DENND1A: variants seen among roughly 807,000 people sequenced by gnomAD.
DENND1A encodes the protein DENN domain containing 1A.
Under a neutral mutation model 113.7 loss-of-function variants are expected in DENND1A, and 51 were observed. That is an observed-to-expected ratio of 0.45 (90% CI 0.36 to 0.57). DENND1A has a LOEUF of 0.57. Ranked by LOEUF, DENND1A falls within the 20% of genes least tolerant of loss-of-function variation. DENND1A has a pLI of 0.00. For missense variants in DENND1A, 1,258 were observed against 1,395.9 expected, an observed-to-expected ratio of 0.90 and a Z score of 1.57; for synonymous variants, 565 against 570.8, an observed-to-expected ratio of 0.99 and a Z score of 0.14.
intron 10 of DENND1A, among the ~76,000 whole-genome samples, chr9:123,629,350 T>C (rs552095419): frequency 6.6e-6 from 1 of 152,334 alleles, no homozygotes; most frequent in Non-Finnish European, 1.5e-5. Context: ...CTTGAACTGT[T>C]TGGAGACAAT....
At chr9:123,726,417 C>CTA (rs929984922) in intron 5 of DENND1A, among the ~76,000 whole-genome samples, 27 of 152,336 alleles carry the variant, frequency 1.8e-4, no homozygotes, top group Admixed American at 1.4e-3. Context: ...CTGCCTCTCC[C>CTA]TATCACACGA....
At chr9:123,598,883 A>G (rs1206647794) in intron 11 of DENND1A, among the ~76,000 whole-genome samples, 1 of 152,196 alleles carries the variant, frequency 6.6e-6, no homozygotes, top group Non-Finnish European at 1.5e-5. Flanking sequence ...TTTAGCAGAC[A>G]TTATATTTGG....
At chr9:123,630,521 G>A (rs953955805) in intron 9 of DENND1A, 45 bp from the exon 10 acceptor site, 4 of 1,316,880 alleles carry the variant, frequency 3.0e-6, no homozygotes, top group Non-Finnish European at 4.1e-6. Flanking sequence ...TCCAAGGGAG[G>A]AGACACCGCC....
At chr9:123,432,545 T>C (rs2046213956) in intron 19 of DENND1A, among the ~76,000 whole-genome samples, 1 of 151,472 alleles carries the variant, frequency 6.6e-6, no homozygotes, top group Non-Finnish European at 1.5e-5. Context: ...GGGAGCGGAG[T>C]GGGGAGATCA....
intron 9 of DENND1A, among the ~76,000 whole-genome samples, chr9:123,631,018 T>C (rs2061452684): frequency 6.6e-6 from 1 of 152,230 alleles, no homozygotes; most frequent in South Asian, 2.1e-4. Context: ...GCTACTCTAC[T>C]ACCATTAAGT....
intron 10 of DENND1A, among the ~76,000 whole-genome samples, chr9:123,625,790 A>G (rs2061181484): frequency 6.6e-6 from 1 of 152,128 alleles, no homozygotes; most frequent in Non-Finnish European, 1.5e-5. Flanking sequence ...TTATACTACC[A>G]CTTGGCAGAG....
At chr9:123,395,136 T>G (rs991458071) in intron 21 of DENND1A, among the ~76,000 whole-genome samples, 2 of 152,186 alleles carry the variant, frequency 1.3e-5, no homozygotes, top group East Asian at 3.9e-4. Flanking sequence ...GAGGGCTAGG[T>G]GGGAAGGCAA....
At chr9:123,454,892 G>C in intron 15 of DENND1A, 113 bp from the exon 16 acceptor site, 1 of 954,106 alleles carries the variant, frequency 1.0e-6, no homozygotes, top group South Asian at 1.4e-5. Context: ...CTGTCTCCCA[G>C]ACTGGAGTGC....
intron 9 of DENND1A, among the ~76,000 whole-genome samples, chr9:123,640,478 G>A (rs2061969997): frequency 1.3e-5 from 2 of 152,230 alleles, no homozygotes; most frequent in Non-Finnish European, 2.9e-5. Flanking sequence ...TGACTAGGGA[G>A]AAGTGGTCCG....
In DENND1A at chr9:123,381,356, T is replaced by C; in HGVS notation, c.*76A>G. The C allele has an allele frequency of 7.3e-7, 1 of 1,360,976 alleles. No homozygotes were observed. The allele number at this position is 1,360,976 out of a possible 1,614,324, so 84.3% of individuals were successfully genotyped here. A position where few individuals can be genotyped will look rare whatever the true frequency, so the allele number is the denominator to read the frequency against. Reference sequence around the variant, plus strand: ...CAGCAGAACCTGGGCAGAGAGAGAGTGGCGGGGGAGCCTCGGAACCGCAGC... The same window carrying C: ...CAGCAGAACCTGGGCAGAGAGAGAGCGGCGGGGGAGCCTCGGAACCGCAGC... On this transcript the variant is annotated 3_prime_UTR_variant, in exon 24 of 24. Coordinates refer to ENST00000394215, the MANE Select transcript of DENND1A (RefSeq NM_001352964.2). The surrounding 1 kb of genome is among the most constrained non-coding windows in gnomAD (Gnocchi z 4.7).
intron 3 of DENND1A, among the ~76,000 whole-genome samples, chr9:123,787,921 A>G (rs887052708): frequency 2.6e-5 from 4 of 152,144 alleles, no homozygotes; most frequent in Admixed American, 6.6e-5. Context: ...TGTTGGTTTC[A>G]TTATAACACT....
At chr9:123,924,705 A>G (rs955770343) in intron 1 of DENND1A, among the ~76,000 whole-genome samples, 1 of 152,164 alleles carries the variant, frequency 6.6e-6, no homozygotes, top group Non-Finnish European at 1.5e-5. Flanking sequence ...TAATCTTATA[A>G]GATTCACATA....
chr9:123,801,630 A>G (rs950386341), intron 2 of DENND1A, among the ~76,000 whole-genome samples: 3 of 152,220 alleles, frequency 2.0e-5, no homozygotes, highest in African/African-American at 7.2e-5. Flanking sequence ...CTTCTTTTGC[A>G]TATATATCCA....
intron 13 of DENND1A, among the ~76,000 whole-genome samples, chr9:123,521,780 T>C (rs148280159): frequency 2.7e-3 from 408 of 152,298 alleles, no homozygotes; most frequent in African/African-American, 9.4e-3. Flanking sequence ...AGCCATATAC[T>C]CACTGGCTGT....
chr9:123,695,212 A>G (rs941863795), intron 5 of DENND1A, among the ~76,000 whole-genome samples: 1 of 150,372 alleles, frequency 6.7e-6, no homozygotes, highest in Non-Finnish European at 1.5e-5. Flanking sequence ...AACTCTCCAT[A>G]TATATATATA....
intron 1 of DENND1A, among the ~76,000 whole-genome samples, chr9:123,915,664 T>C (rs942766457): frequency 2.0e-5 from 3 of 152,134 alleles, no homozygotes; most frequent in Non-Finnish European, 4.4e-5. Flanking sequence ...CTGTCTAAAG[T>C]TAATTAACAG....
rs1163137193 is a variant in DENND1A at position 123,671,436 on chromosome 9, G to A, written c.373-65C>T. The A allele has an allele frequency of 3.3e-6, 5 of 1,528,306 alleles. No homozygotes were observed. In the East Asian group the frequency reaches 6.8e-5, roughly 21 times the overall value. The allele number at this position is 1,528,306 out of a possible 1,614,324, so 94.7% of individuals were successfully genotyped here. ...GAGCCCTTAGTAAGATACCTGCAGG[G>A]AGGTCTGGGCACACATGACTGAGGG... On this transcript the variant is annotated intron_variant, in intron 6 of 23. Coordinates refer to ENST00000394215, the MANE Select transcript of DENND1A (RefSeq NM_001352964.2).
chr9:123,688,180 A>G (rs2064937176), intron 5 of DENND1A, among the ~76,000 whole-genome samples: 1 of 152,194 alleles, frequency 6.6e-6, no homozygotes, highest in Admixed American at 6.5e-5. Context: ...ACACCCAGAA[A>G]AGCTAACTTG....
chr9:123,392,511 C>T lies in DENND1A; in HGVS notation c.1632-4653G>A, dbSNP rs1379748080. 2.6e-5 allele frequency among the ~76,000 whole-genome samples: 4 copies of T among 152,132 alleles called. No individual in the cohort carries two copies. The East Asian group carries it at 7.7e-4, about 29-fold the overall frequency. On this transcript the variant is annotated intron_variant, in intron 21 of 23. Transcript: ENST00000394215. ...CCCTCTGTCACGTGGCTCCAGTGGGCAGGTGCTGACGAGCAGGGACAGCCC... is the reference window on the plus strand; with the variant it reads ...CCCTCTGTCACGTGGCTCCAGTGGGTAGGTGCTGACGAGCAGGGACAGCCC...
Sources: gnomAD v4.1 joint callset for allele counts (sites outside exome capture counted in the v4.1 genomes callset) on GRCh38, gnomAD v4.1.1 for gene constraint, Gnocchi (gnomAD v3.1) non-coding constraint, MANE v1.5 for transcripts, NCBI Gene and HGNC (gene_info 2026-07-23, HGNC 2026-07-21) for gene names.